GRM8: variants seen among roughly 807,000 people sequenced by gnomAD.
The protein encoded by GRM8 is metabotropic glutamate receptor 8.
Under a neutral mutation model 87.2 loss-of-function variants are expected in GRM8, and 47 were observed. That is an observed-to-expected ratio of 0.54 (90% CI 0.43 to 0.69). GRM8 has a LOEUF of 0.69. GRM8 is among the 30% of genes least tolerant of loss of function. GRM8 has a pLI of 0.00. For missense variants in GRM8, 1,019 were observed against 1,139.2 expected, an observed-to-expected ratio of 0.89 and a Z score of 1.52; for synonymous variants, 396 against 404.5, an observed-to-expected ratio of 0.98 and a Z score of 0.25.
At chr7:127,096,332 G>A (rs1051996028) in intron 3 of GRM8, among the ~76,000 whole-genome samples, 1 of 152,162 alleles carries the variant, frequency 6.6e-6, no homozygotes, top group East Asian at 1.9e-4. Context: ...GGCCAAGGCA[G>A]ATGAATCACT....
intron 6 of GRM8, among the ~76,000 whole-genome samples, chr7:126,796,314 T>C (rs1413174745): frequency 2.0e-5 from 3 of 151,942 alleles, no homozygotes; most frequent in Admixed American, 2.0e-4. Context: ...ATCAAACACT[T>C]AGCCATCATC....
chr7:127,158,458 T>C (rs1432409929), intron 2 of GRM8, among the ~76,000 whole-genome samples: 1 of 152,222 alleles, frequency 6.6e-6, no homozygotes, highest in East Asian at 1.9e-4. Context: ...TTACTGCCGC[T>C]ATAATAAAAA....
intron 8 of GRM8, among the ~76,000 whole-genome samples, chr7:126,609,063 A>G (rs757219682): frequency 1.3e-5 from 2 of 152,212 alleles, no homozygotes; most frequent in African/African-American, 2.4e-5. Flanking sequence ...ACATACAAAA[A>G]ATGTACAAAG....
chr7:126,948,815 T>C (rs985814833), intron 3 of GRM8, among the ~76,000 whole-genome samples: 11 of 152,208 alleles, frequency 7.2e-5, no homozygotes. Flanking sequence ...CTGCCACTCA[T>C]GGCTGGCTCA....
At chr7:127,009,695 C>T (rs1369157219) in intron 3 of GRM8, among the ~76,000 whole-genome samples, 1 of 151,912 alleles carries the variant, frequency 6.6e-6, no homozygotes, top group African/African-American at 2.4e-5. Flanking sequence ...AATTACTGCC[C>T]TACTGATTTG....
chr7:126,740,584 T>G (rs772417114), intron 7 of GRM8, among the ~76,000 whole-genome samples: 23 of 152,140 alleles, frequency 1.5e-4, no homozygotes, highest in Admixed American at 1.5e-3. Flanking sequence ...AAATTGAGAC[T>G]CAAGTAAGCA....
chr7:126,972,729 T>C (rs956134503), intron 3 of GRM8, among the ~76,000 whole-genome samples: 2 of 152,186 alleles, frequency 1.3e-5, no homozygotes, highest in African/African-American at 4.8e-5. Context: ...TAGACTAAGA[T>C]TGAGGACAAG....
At chr7:126,997,108 A>G (rs1473936020) in intron 3 of GRM8, among the ~76,000 whole-genome samples, 2 of 151,790 alleles carry the variant, frequency 1.3e-5, no homozygotes, top group African/African-American at 2.4e-5. Flanking sequence ...TCTGACCACA[A>G]TGAAATTAAA....
At chr7:126,527,296 T>C (rs2150823946) in intron 9 of GRM8, among the ~76,000 whole-genome samples, 1 of 152,242 alleles carries the variant, frequency 6.6e-6, no homozygotes, top group South Asian at 2.1e-4. Context: ...AGGCAGATGT[T>C]GCAGTGAGCC....
chr7:126,454,838 C>T (rs1436439504), intron 9 of GRM8, among the ~76,000 whole-genome samples: 4 of 151,662 alleles, frequency 2.6e-5, no homozygotes, highest in Non-Finnish European at 5.9e-5. Context: ...GGAAAATAAC[C>T]TTGTTGACAC....
chr7:127,066,790 C>CT (rs1427197434), intron 3 of GRM8, among the ~76,000 whole-genome samples: 2 of 152,166 alleles, frequency 1.3e-5, no homozygotes, highest in Non-Finnish European at 2.9e-5. Context: ...CCCATGTCTC[C>CT]TTTCCCCCTA....
intron 3 of GRM8, among the ~76,000 whole-genome samples, chr7:126,936,871 T>TA: frequency 6.6e-6 from 1 of 152,266 alleles, no homozygotes. Flanking sequence ...GACCATTGGG[T>TA]AAAAAAGAAA....
intron 8 of GRM8, among the ~76,000 whole-genome samples, chr7:126,560,782 G>A (rs998282454): frequency 1.3e-5 from 2 of 152,130 alleles, no homozygotes; most frequent in African/African-American, 4.8e-5. Flanking sequence ...ATGGGATAAG[G>A]ACAGTATTGC....
At chr7:127,085,705 G>A (rs529212577) in intron 3 of GRM8, among the ~76,000 whole-genome samples, 1 of 152,286 alleles carries the variant, frequency 6.6e-6, no homozygotes, top group East Asian at 1.9e-4. Flanking sequence ...CTGGATATTA[G>A]CCCTTTGTCA....
chr7:126,574,388 A>G (rs1794937957), intron 8 of GRM8, among the ~76,000 whole-genome samples: 1 of 152,222 alleles, frequency 6.6e-6, no homozygotes, highest in Non-Finnish European at 1.5e-5. Flanking sequence ...GACTGACTGC[A>G]GGCTTGGCAA....
At chr7:126,852,665 A>C (rs547769213) in intron 6 of GRM8, among the ~76,000 whole-genome samples, 47 of 152,330 alleles carry the variant, frequency 3.1e-4, no homozygotes, top group African/African-American at 1.1e-3. Context: ...TATTTTCTTT[A>C]AGAGAATTTT....
At chr7:126,777,738 C>A (rs543062227) in intron 6 of GRM8, among the ~76,000 whole-genome samples, 1 of 152,030 alleles carries the variant, frequency 6.6e-6, no homozygotes, top group Admixed American at 6.6e-5. Flanking sequence ...TTGAACTACA[C>A]TTAAAAAGGA....
chr7:127,126,796 C>T (rs888596207), intron 2 of GRM8, among the ~76,000 whole-genome samples: 1 of 151,824 alleles, frequency 6.6e-6, no homozygotes, highest in African/African-American at 2.4e-5. Context: ...AAATATAAGT[C>T]AAATCACAGA....
intron 3 of GRM8, among the ~76,000 whole-genome samples, chr7:127,021,992 T>C (rs1816319188): frequency 6.6e-6 from 1 of 152,086 alleles, no homozygotes; most frequent in Non-Finnish European, 1.5e-5. Flanking sequence ...CTAAGTCCTA[T>C]GTTGTAGGTG....
Sources: allele counts gnomAD v4.1 joint callset (sites outside exome capture counted in the v4.1 genomes callset), GRCh38; gene constraint gnomAD v4.1.1; transcripts MANE v1.5; gene names NCBI Gene and HGNC (gene_info 2026-07-23, HGNC 2026-07-21).